Variants in ZBTB16 observed in about 807,000 individuals in gnomAD.
ZBTB16 encodes the protein zinc finger and BTB domain containing 16, also known as zinc finger and BTB domain-containing protein 16.
ZBTB16 carries 8 observed loss-of-function variants against 56.8 expected under a neutral mutation model. The ratio of observed to expected loss-of-function variants is 0.14; its 90% CI spans 0.08 to 0.25. ZBTB16 has a LOEUF of 0.25. Ranked by LOEUF, ZBTB16 falls within the 10% of genes least tolerant of loss-of-function variation. ZBTB16 has a pLI of 1.00. For missense variants in ZBTB16, 625 were observed against 903.0 expected, an observed-to-expected ratio of 0.69 and a Z score of 3.95; for synonymous variants, 363 against 368.5, an observed-to-expected ratio of 0.98 and a Z score of 0.17.
Position 114,156,324 on chromosome 11 carries a change from C to T in ZBTB16, c.1269-13C>T, listed in dbSNP as rs1942408396. On this transcript the variant is annotated splice_polypyrimidine_tract_variant and intron_variant, in intron 2 of 6. Transcript: ENST00000335953. Reference sequence around the variant, plus strand: ...CAGAGCAGCAGCAACCTCTCTTTTCCTTTCCCTTACAGGAAGCTGCACAGT... The same window carrying T: ...CAGAGCAGCAGCAACCTCTCTTTTCTTTTCCCTTACAGGAAGCTGCACAGT... The T allele has an allele frequency of 6.2e-7, 1 of 1,613,964 alleles. No homozygotes were observed. The highest frequency in any genetic ancestry group is 1.7e-5 in the Admixed American group (1 of 60,008).
At chr11:114,105,244 CTTTT>C (rs560912055) in intron 2 of ZBTB16, among the ~76,000 whole-genome samples, 1 of 145,882 alleles carries the variant, frequency 6.9e-6, no homozygotes, top group Non-Finnish European at 1.5e-5. Context: ...CTCTCTCTCT[CTTTT>C]TTTTTTTTGA....
At chr11:114,152,261 C>G (rs1009846594) in intron 2 of ZBTB16, among the ~76,000 whole-genome samples, 2 of 152,194 alleles carry the variant, frequency 1.3e-5, no homozygotes, top group African/African-American at 4.8e-5. Context: ...AGTTTGCTCT[C>G]TAAACCAGAT....
chr11:114,095,248 T>TTCTTTTCTTTTCTTTTCTTTC (rs1327021438), intron 2 of ZBTB16, among the ~76,000 whole-genome samples: 4 of 102,922 alleles, frequency 3.9e-5, no homozygotes, highest in Non-Finnish European at 7.8e-5. Flanking sequence ...TTCTTTTCTT[T>TTCTTTTCTTTTCTTTTCTTTC]TTTTTTTTTT....
intron 2 of ZBTB16, among the ~76,000 whole-genome samples, chr11:114,149,698 G>A (rs1391016278): frequency 1.3e-5 from 2 of 152,142 alleles, no homozygotes; most frequent in Admixed American, 6.5e-5. Context: ...GGTAATACCC[G>A]CTAAGCATTC....
intron 2 of ZBTB16, among the ~76,000 whole-genome samples, chr11:114,149,501 A>C (rs898302818): frequency 1.3e-5 from 2 of 152,178 alleles, no homozygotes; most frequent in Non-Finnish European, 2.9e-5. Context: ...ACTAGCACTC[A>C]GTTAGTTCTT....
chr11:114,150,881 TGTCCCCACATGGG>T (rs1238129070), intron 2 of ZBTB16, among the ~76,000 whole-genome samples: 2 of 152,198 alleles, frequency 1.3e-5, no homozygotes, highest in East Asian at 3.8e-4. Context: ...TACCTTATGC[TGTCCCCACATGGG>T]GCCCAAGGCT....
At chr11:114,071,245 CT>C (rs200152337) in intron 2 of ZBTB16, among the ~76,000 whole-genome samples, 17 of 48,224 alleles carry the variant, frequency 3.5e-4, no homozygotes, top group South Asian at 1.6e-3. Flanking sequence ...TGTGTTCTGA[CT>C]TTTTTTTTTT....
In ZBTB16 at chr11:114,210,000, TC is replaced by T. The variant is rs1227164764; in HGVS notation, c.1453+22964del. ...AGCAAGACTTCAGACAAGTTGCTTG[TC>T]CTTTCAGAAGCTTGGTTTCCTCATT... On this transcript the variant is annotated intron_variant, in intron 4 of 6. Coordinates refer to ENST00000335953, the MANE Select transcript of ZBTB16 (RefSeq NM_006006.6). The T allele has an allele frequency of 6.1e-6, 6 of 977,768 alleles. No homozygotes were observed. The African/African-American group carries it at 1.0e-4, about 17-fold the overall frequency. The allele number at this position is 977,768 out of a possible 1,614,324, so 60.6% of individuals were successfully genotyped here.
intron 2 of ZBTB16, among the ~76,000 whole-genome samples, chr11:114,076,330 A>C (rs1483179671): frequency 6.6e-6 from 1 of 152,142 alleles, no homozygotes; most frequent in Non-Finnish European, 1.5e-5. Context: ...GGGCGGCTGG[A>C]TCTGGAGTTT....
intron 2 of ZBTB16, among the ~76,000 whole-genome samples, chr11:114,150,700 G>GTGTGTTTTGACTCTTCC (rs1942258630): frequency 6.6e-6 from 1 of 152,178 alleles, no homozygotes; most frequent in East Asian, 1.9e-4. Flanking sequence ...TGACTTAAAG[G>GTGTGTTTTGACTCTTCC]TCTAAGGAGG....
At chr11:114,198,578 A>G (rs1486769213) in intron 4 of ZBTB16, among the ~76,000 whole-genome samples, 2 of 152,156 alleles carry the variant, frequency 1.3e-5, no homozygotes, top group Non-Finnish European at 2.9e-5. Context: ...TTTTAAATTA[A>G]TAAATTTCAT....
At chr11:114,120,295 T>A (rs1941304897) in intron 2 of ZBTB16, among the ~76,000 whole-genome samples, 1 of 152,142 alleles carries the variant, frequency 6.6e-6, no homozygotes, top group Non-Finnish European at 1.5e-5. Context: ...CACATCCTGA[T>A]GTTATGGGAT....
At chr11:114,173,961 G>T (rs1481454654) in intron 3 of ZBTB16, among the ~76,000 whole-genome samples, 3 of 152,196 alleles carry the variant, frequency 2.0e-5, no homozygotes, top group Non-Finnish European at 4.4e-5. Context: ...GGAGGTATAT[G>T]CCTAGAGTTT....
chr11:114,170,555 G>A (rs959907765), intron 3 of ZBTB16, among the ~76,000 whole-genome samples: 21 of 151,872 alleles, frequency 1.4e-4, no homozygotes, highest in Non-Finnish European at 1.2e-4. Flanking sequence ...AGTAGTTAAC[G>A]CACTCCCTCC....
rs1463417220 is a variant in ZBTB16 at position 114,233,107 on chromosome 11, ACACACACACACACACACACTCTCT to A, written c.1454-9058_1454-9035del. Among the ~76,000 whole-genome samples, 18 of 43,186 alleles carry A rather than the reference ACACACACACACACACACACTCTCT, an allele frequency of 4.2e-4. 1 individual carries two copies. The highest frequency in any genetic ancestry group is 2.1e-3 in the East Asian group (1 of 476). 28.3% of individuals were successfully genotyped at this position (43,186 alleles called of 152,430 possible). ...CACACACACACACACACACACACAC[ACACACACACACACACACACTCTCT>A]CTCTCTCACACTCCCTTTCCTTCTT... On this transcript the variant is annotated intron_variant, in intron 4 of 6. Transcript: ENST00000335953.
At position 114,253,430 on chromosome 11, in the gene ZBTB16, A is replaced by G. The variant is rs1201394126; in HGVS notation, c.*2875A>G. 6.6e-6 allele frequency among the ~76,000 whole-genome samples: 1 copy of G among 151,990 alleles called. No homozygotes were observed. The highest frequency in any genetic ancestry group is 1.5e-5 in the Non-Finnish European group (1 of 67,996). On this transcript the variant is annotated 3_prime_UTR_variant, in exon 7 of 7. Transcript: ENST00000335953. ...GACAAAAGACAAAAAAAAATCCACC[A>G]CCACCAAAATATCCCTTTGTACATG...
chr11:114,186,150 C>T (rs1370707822), intron 3 of ZBTB16, among the ~76,000 whole-genome samples: 8 of 151,786 alleles, frequency 5.3e-5, no homozygotes, highest in Admixed American at 5.3e-4. Flanking sequence ...GTTGGGGGCC[C>T]GGGTATTGAA....
chr11:114,130,121 T>C (rs891933451), intron 2 of ZBTB16, among the ~76,000 whole-genome samples: 5 of 152,166 alleles, frequency 3.3e-5, no homozygotes, highest in Non-Finnish European at 5.9e-5. Flanking sequence ...TTCTGCTTGT[T>C]AGCTTGGGAG....
intron 3 of ZBTB16, among the ~76,000 whole-genome samples, chr11:114,179,104 T>C (rs982260837): frequency 3.9e-5 from 6 of 152,234 alleles, no homozygotes; most frequent in Non-Finnish European, 8.8e-5. Flanking sequence ...CAACCACAGC[T>C]ACCCTTGAAC....
Sources: gnomAD v4.1 joint callset for allele counts (sites outside exome capture counted in the v4.1 genomes callset) on GRCh38, gnomAD v4.1.1 for gene constraint, MANE v1.5 for transcripts, NCBI Gene and HGNC (gene_info 2026-07-23, HGNC 2026-07-21) for gene names.